The following DNAH2 variants were observed in gnomAD, a reference collection of about 807,000 sequenced individuals.
DNAH2 encodes axonemal beta dynein heavy chain 2.
DNAH2 carries 323 observed loss-of-function variants against 523.5 expected under a neutral mutation model. The ratio of observed to expected loss-of-function variants is 0.62; its 90% CI spans 0.56 to 0.68. The LOEUF (loss-of-function observed/expected upper bound fraction) is 0.68. Among genes scored for constraint, DNAH2 ranks in the 30% least tolerant of loss-of-function variants. The pLI, the probability that DNAH2 is intolerant of heterozygous loss-of-function variation, is 0.00. For missense variants in DNAH2, 4,907 were observed against 5,701.5 expected, an observed-to-expected ratio of 0.86 and a Z score of 4.49; for synonymous variants, 2,093 against 2,177.4, an observed-to-expected ratio of 0.96 and a Z score of 1.08.
At chr17:7,730,573 T>C (rs748817779) in intron 4 of DNAH2, among the ~76,000 whole-genome samples, 2 of 152,228 alleles carry the variant, frequency 1.3e-5, no homozygotes, top group South Asian at 2.1e-4. Flanking sequence ...TCCTTAGGAA[T>C]ATCCCCTATG....
At chr17:7,806,658 C>CAAAAAA (rs66460228) in intron 61 of DNAH2, among the ~76,000 whole-genome samples, 3 of 60,552 alleles carry the variant, frequency 5.0e-5, no homozygotes, top group African/African-American at 6.4e-5. Flanking sequence ...CACTCCATCT[C>CAAAAAA]AAAAAAAAAA....
At chr17:7,779,052 C>T (rs900300169) in intron 35 of DNAH2, among the ~76,000 whole-genome samples, 191 bp from the exon 36 acceptor site, 4 of 152,198 alleles carry the variant, frequency 2.6e-5, no homozygotes, top group Admixed American at 1.3e-4. Flanking sequence ...TAGCATCACC[C>T]CAGATTGGCC....
At chr17:7,764,444 T>C (rs1311266072) in intron 20 of DNAH2, among the ~76,000 whole-genome samples, 171 bp downstream of exon 20, 1 of 151,868 alleles carries the variant, frequency 6.6e-6, no homozygotes, top group Non-Finnish European at 1.5e-5. Context: ...GGATTTCTTT[T>C]CTTTTCCTCT....
In DNAH2 at chr17:7,824,738, A is replaced by G. The variant is rs1233742862; in HGVS notation, c.11853+11A>G. 6 of 1,517,114 alleles carry G rather than the reference A, an allele frequency of 4.0e-6. No homozygotes were observed. Among genetic ancestry groups the G allele is most frequent in the Non-Finnish European group, 4.5e-6 (5 of 1,119,876 alleles). The allele number at this position is 1,517,114 out of a possible 1,614,324, so 94.0% of individuals were successfully genotyped here. ...ACAGAGCCACCAAAGGTATGTGGCC[A>G]TAGAGAACCAGCATCATCAGGGCCA... is the stretch of plus-strand genomic sequence containing the variant. On this transcript the variant is annotated intron_variant, in intron 77 of 85. Coordinates refer to ENST00000572933, the MANE Select transcript of DNAH2 (RefSeq NM_020877.5).
At chr17:7,769,017 A>T (rs1023176984) in intron 24 of DNAH2, among the ~76,000 whole-genome samples, 2 of 152,070 alleles carry the variant, frequency 1.3e-5, no homozygotes, top group African/African-American at 4.8e-5. Flanking sequence ...TGTGGCGCAG[A>T]CACCAAGCCT....
chr17:7,786,599 C>T lies in DNAH2; in HGVS notation c.6378C>T (p.Ser2126=), dbSNP rs1242010339. 3 of 1,613,970 alleles carry T rather than the reference C, an allele frequency of 1.9e-6. No homozygotes were observed. Among genetic ancestry groups the T allele is most frequent in the Non-Finnish European group, 2.5e-6 (3 of 1,180,004 alleles). ...REFPLNPKAL[S]LGELYGEYDL... ...TCCCTTTGAACCCCAAGGCATTGTC[C>T]CTAGGGGAACTGTATGGGGAATATG... The change falls in exon 41 of 86, where the codon TCC becomes TCT. Residue 2126 remains serine (S), a synonymous_variant. Transcript: ENST00000572933. This position sits in a 1 kb window ranked among gnomAD's most constrained non-coding sequence, Gnocchi z 7.5.
At position 7,828,205 on chromosome 17, in the gene DNAH2, C is replaced by T. The variant is rs1009972478; in HGVS notation, c.11854-2095C>T. On this transcript the variant is annotated intron_variant, in intron 77 of 85. Transcript: ENST00000572933. This position sits in a 1 kb window ranked among gnomAD's most constrained non-coding sequence, Gnocchi z 4.1. ...AACTGCTGGGATTACAGGTGTAACC[C>T]ACAGTGCCATGCTGATATACTTTAG... Among the ~76,000 whole-genome samples, 1 of 152,140 alleles carries T rather than the reference C, an allele frequency of 6.6e-6. No individual in the cohort carries two copies. Among genetic ancestry groups the T allele is most frequent in the Non-Finnish European group, 1.5e-5 (1 of 68,032 alleles).
intron 77 of DNAH2, among the ~76,000 whole-genome samples, chr17:7,827,760 A>G (rs759979621): frequency 4.7e-5 from 7 of 148,708 alleles, no homozygotes; most frequent in Non-Finnish European, 7.4e-5. Flanking sequence ...TTTTTTTTCT[A>G]CATGGATAAC....
rs193099453 is a variant in DNAH2, at chr17:7,787,583, A to G, written c.6604-277A>G. On this transcript the variant is annotated intron_variant, in intron 42 of 85. Coordinates refer to ENST00000572933, the MANE Select transcript of DNAH2 (RefSeq NM_020877.5). ...AACCCCATCTCTACTAAAAAATACAAAAGTTAGCTGGGTGTGGTGTTGTGC... is the reference window on the plus strand; with the variant it reads ...AACCCCATCTCTACTAAAAAATACAGAAGTTAGCTGGGTGTGGTGTTGTGC... 4.9e-4 allele frequency: 160 copies of G among 323,318 alleles called. No individual in the cohort carries two copies. In the East Asian group the frequency reaches 6.4e-3, roughly 13 times the overall value. The allele number at this position is 323,318 out of a possible 1,614,324, so 20.0% of individuals were successfully genotyped here.
intron 28 of DNAH2, among the ~76,000 whole-genome samples, chr17:7,773,173 A>G (rs1048744152): frequency 4.6e-5 from 7 of 152,198 alleles, no homozygotes; most frequent in African/African-American, 9.6e-5. Context: ...AAGAACTACT[A>G]TCTGATTGGG....
intron 61 of DNAH2, among the ~76,000 whole-genome samples, chr17:7,806,502 CA>C (rs1407974732): frequency 6.6e-6 from 1 of 151,188 alleles, no homozygotes; most frequent in African/African-American, 2.4e-5. Flanking sequence ...CTACAAAATA[CA>C]AAAAAATTAG....
At chr17:7,824,748 A>G (rs1275170408) in intron 77 of DNAH2, 21 bp downstream of exon 77, 20 of 1,491,262 alleles carry the variant, frequency 1.3e-5, no homozygotes, top group Non-Finnish European at 1.7e-5. Flanking sequence ...ATAGAGAACC[A>G]GCATCATCAG....
chr17:7,778,400 C>A lies in DNAH2; in HGVS notation c.5472C>A (p.Val1824=), dbSNP rs1192467977. The change falls in exon 35 of 86, where the codon GTC becomes GTA. Residue 1824 remains valine, a synonymous_variant. Coordinates refer to ENST00000572933, the MANE Select transcript of DNAH2 (RefSeq NM_020877.5). ...KDLGKALGIY[V]IVVNCSEGLD... is the part of the protein sequence containing the mutation. Reference sequence around the variant, plus strand: ...TGGGCAAGGCCCTGGGCATATATGTCATTGTGGTCAACTGCTCTGAGGGCC... The same window carrying A: ...TGGGCAAGGCCCTGGGCATATATGTAATTGTGGTCAACTGCTCTGAGGGCC... 6.2e-7 allele frequency: 1 copy of A among 1,614,220 alleles called. No individual in the cohort carries two copies. The highest frequency in any genetic ancestry group is 8.5e-7 in the Non-Finnish European group (1 of 1,180,038).
rs1317000042 is a variant in DNAH2 at position 7,759,556 on chromosome 17, A to T, written c.2583A>T (p.Pro861=). The T allele has an allele frequency of 6.2e-7, 1 of 1,613,988 alleles. No individual in the cohort carries two copies. Among genetic ancestry groups the T allele is most frequent in the Admixed American group, 1.7e-5 (1 of 59,984 alleles). ...INGDGKTSPN[P]LFQVLVILKN... ...GGGATGGAAAGACCAGCCCAAACCC[A>T]CTCTTCCAAGTCCTTGTCATTTTGA... Residue 861 remains proline (P), a synonymous_variant, in exon 16 of 86, where the codon CCA becomes CCT. Transcript: ENST00000572933.
chr17:7,719,812 T>G lies in DNAH2; in HGVS notation c.78T>G (p.Thr26=). The G allele has an allele frequency of 6.2e-7, 1 of 1,613,038 alleles. No homozygotes were observed. Among genetic ancestry groups the G allele is most frequent in the East Asian group, 2.2e-5 (1 of 44,858 alleles). Reference sequence around the variant, plus strand: ...AGGCAAGCTGGTCAGGGCGGGCCACTCGGGCTGCTGTGGCCACACAGGAGC... The same window carrying G: ...AGGCAAGCTGGTCAGGGCGGGCCACGCGGGCTGCTGTGGCCACACAGGAGC... ...SSQASWSGRA[T]RAAVATQEQG... The change falls in exon 2 of 86, where the codon ACT becomes ACG. Residue 26 remains threonine (T), a synonymous_variant. Transcript: ENST00000572933.
In DNAH2 at chr17:7,777,449, T is replaced by A. The variant is rs762989267; in HGVS notation, c.5062T>A (p.Ser1688Thr). Residue 1688 changes from serine to threonine, a missense_variant, in exon 33 of 86, where the codon TCA (serine) becomes ACA (threonine). By Grantham distance (58) the Ser-to-Thr change is moderately conservative (BLOSUM62 1). This residue lies in a region of DNAH2 where 2,806 missense variants were observed against 3,190.8 expected (regional missense o/e 0.88). Coordinates refer to ENST00000572933, the MANE Select transcript of DNAH2 (RefSeq NM_020877.5). The part of the protein sequence containing the change: ...ILKVMKKNQV[S>T]ILNKYSEAIR... ...TCCCTGCTGCTTCATGCCACAGGTG[T>A]CAATCCTGAATAAGTATTCAGAAGC... 1 of 1,614,162 alleles carries A rather than the reference T, an allele frequency of 6.2e-7. No individual in the cohort carries two copies. The highest frequency in any genetic ancestry group is 8.5e-7 in the Non-Finnish European group (1 of 1,180,036).
At chr17:7,824,869 C>A in intron 77 of DNAH2, 142 bp downstream of exon 77, 1 of 677,094 alleles carries the variant, frequency 1.5e-6, no homozygotes, top group Non-Finnish European at 2.3e-6. Context: ...CCTGTTTGTG[C>A]CAAACTCCTA....
At chr17:7,740,754 C>T in intron 10 of DNAH2, 56 bp from the exon 11 acceptor site, 1 of 1,570,088 alleles carries the variant, frequency 6.4e-7, no homozygotes, top group South Asian at 1.2e-5. Context: ...GGATGAGTGA[C>T]CGGAGGGAAC....
chr17:7,805,188 C>G, intron 60 of DNAH2, 64 bp from the exon 61 acceptor site: 2 of 1,601,294 alleles, frequency 1.2e-6, no homozygotes, highest in Non-Finnish European at 1.7e-6. Context: ...AGAGGTGGCA[C>G]CTCAGCTAGG....
Sources: allele counts gnomAD v4.1 joint callset (sites outside exome capture counted in the v4.1 genomes callset), GRCh38; gene constraint gnomAD v4.1.1; regional missense constraint gnomAD v4.1.1; non-coding constraint Gnocchi (gnomAD v3.1); transcripts MANE v1.5; gene names NCBI Gene and HGNC (gene_info 2026-07-23, HGNC 2026-07-21).